ASCC3: variants seen among roughly 807,000 people sequenced by gnomAD.
The protein encoded by ASCC3 is ASC-1 complex subunit P200.
Under a neutral mutation model 256.3 loss-of-function variants are expected in ASCC3, and 158 were observed. That is an observed-to-expected ratio of 0.62 (90% CI 0.54 to 0.70). ASCC3 has a LOEUF of 0.70. Among genes scored for constraint, ASCC3 ranks in the 30% least tolerant of loss-of-function variants. The probability of loss-of-function intolerance (pLI) is 0.00; values close to 1 mark genes in which losing one functional copy is unlikely to be tolerated. For synonymous variants in ASCC3, 948 were observed against 883.4 expected (o/e 1.07, Z -1.30); for missense variants, 2,259 against 2,626.0 (o/e 0.86, Z 3.05).
At chr6:100,716,509 C>T (rs1779092821) in intron 12 of ASCC3, among the ~76,000 whole-genome samples, 1 of 151,808 alleles carries the variant, frequency 6.6e-6, no homozygotes, top group Admixed American at 6.6e-5. Context: ...TTAATGTAAA[C>T]ATTTTAAAAT....
At chr6:100,731,442 T>C (rs1295630947) in intron 10 of ASCC3, among the ~76,000 whole-genome samples, 1 of 152,230 alleles carries the variant, frequency 6.6e-6, no homozygotes, top group Non-Finnish European at 1.5e-5. Context: ...AAATACAAAA[T>C]TGTTTATATT....
intron 8 of ASCC3, among the ~76,000 whole-genome samples, chr6:100,797,491 A>AC (rs1769686855): frequency 6.7e-6 from 1 of 148,528 alleles, no homozygotes; most frequent in African/African-American, 2.5e-5. Context: ...AAAAAAAAAA[A>AC]ACTTAAAATT....
In ASCC3 at chr6:100,855,578, T is replaced by C. The variant is rs17061195; in HGVS notation, c.242-6871A>G. ...GGACATAAATATAACACCTCTGTCT[T>C]TGAAACATTCAAAACACAATATAAT... On this transcript the variant is annotated intron_variant, in intron 3 of 41. Coordinates refer to ENST00000369162, the MANE Select transcript of ASCC3 (RefSeq NM_006828.4). 0.012 allele frequency among the ~76,000 whole-genome samples: 1,885 copies of C among 152,338 alleles called. 95 individuals are homozygous for C. In the East Asian group the frequency reaches 0.14, roughly 12 times the overall value.
intron 36 of ASCC3, among the ~76,000 whole-genome samples, chr6:100,588,428 C>T (rs1041653707): frequency 6.6e-6 from 1 of 152,088 alleles, no homozygotes; most frequent in Non-Finnish European, 1.5e-5. Flanking sequence ...CCAGAGAAAT[C>T]CTACTTTTAT....
At chr6:100,650,753 A>T (rs748172033) in intron 19 of ASCC3, 39 bp from the exon 20 acceptor site, 13 of 1,497,596 alleles carry the variant, frequency 8.7e-6, no homozygotes, top group Middle Eastern at 2.2e-4. Flanking sequence ...TTTGGGGCTG[A>T]TTTATTTAAA....
intron 32 of ASCC3, 93 bp downstream of exon 32, chr6:100,606,647 T>G (rs930793291): frequency 7.2e-7 from 1 of 1,382,922 alleles, no homozygotes; most frequent in African/African-American, 1.4e-5. Flanking sequence ...TCTCAGAAGT[T>G]TAATTGGTGG....
intron 8 of ASCC3, among the ~76,000 whole-genome samples, chr6:100,774,675 T>C (rs1198408284): frequency 2.6e-5 from 4 of 152,064 alleles, no homozygotes; most frequent in Non-Finnish European, 5.9e-5. Context: ...CTAACTTTCT[T>C]ATTTTTAGTA....
At chr6:100,611,921 G>A (rs928999527) in intron 30 of ASCC3, among the ~76,000 whole-genome samples, 4 of 151,508 alleles carry the variant, frequency 2.6e-5, no homozygotes, top group African/African-American at 4.8e-5. Flanking sequence ...TACTTCCATA[G>A]TTCATTTTTG....
intron 20 of ASCC3, among the ~76,000 whole-genome samples, chr6:100,648,484 T>A (rs1439272730): frequency 6.6e-6 from 1 of 152,010 alleles, no homozygotes; most frequent in Non-Finnish European, 1.5e-5. Context: ...AAATGACAGA[T>A]GAGTTAAAGG....
At chr6:100,794,996 G>T (rs1769535750) in intron 8 of ASCC3, among the ~76,000 whole-genome samples, 1 of 151,944 alleles carries the variant, frequency 6.6e-6, no homozygotes, top group Non-Finnish European at 1.5e-5. Context: ...CTTTCCTTTG[G>T]GAAACTCCCC....
chr6:100,771,007 G>C (rs1781892461), intron 8 of ASCC3, among the ~76,000 whole-genome samples: 1 of 152,020 alleles, frequency 6.6e-6, no homozygotes, highest in African/African-American at 2.4e-5. Flanking sequence ...AACAATGTTA[G>C]AGAGCTAAAA....
intron 4 of ASCC3, among the ~76,000 whole-genome samples, chr6:100,827,543 T>C (rs533212053): frequency 5.3e-5 from 8 of 152,308 alleles, no homozygotes; most frequent in African/African-American, 1.9e-4. Context: ...CATATTCTAT[T>C]AGATGCATTC....
chr6:100,511,602 C>T (rs1035124326), intron 40 of ASCC3, among the ~76,000 whole-genome samples: 2 of 151,912 alleles, frequency 1.3e-5, no homozygotes, highest in Non-Finnish European at 2.9e-5. Context: ...TGTAGTGGCA[C>T]ATGCCTGTAA....
chr6:100,650,560 G>C lies in ASCC3; in HGVS notation c.3230C>G (p.Ser1077Ter). 6.2e-7 allele frequency: 1 copy of C among 1,612,562 alleles called. No homozygotes were observed. The highest frequency in any genetic ancestry group is 8.5e-7 in the Non-Finnish European group (1 of 1,178,964). ...RGEMDSFSLI[S>*]DSAYVAQNAA... Reference sequence around the variant, plus strand: ...TACCTGTGCAACATATGCAGAATCTGATATAAGGGAGAAACTGTCCATTTC... The same window carrying C: ...TACCTGTGCAACATATGCAGAATCTCATATAAGGGAGAAACTGTCCATTTC... Residue 1077 changes from serine (S) to a stop codon, truncating the protein, a stop_gained, in exon 20 of 42, where the codon TCA becomes TGA. Coordinates refer to ENST00000369162, the MANE Select transcript of ASCC3 (RefSeq NM_006828.4). LOFTEE classifies it high-confidence loss of function.
intron 10 of ASCC3, among the ~76,000 whole-genome samples, chr6:100,731,841 CT>C (rs1210409220): frequency 2.0e-5 from 3 of 152,118 alleles, no homozygotes; most frequent in Non-Finnish European, 4.4e-5. Flanking sequence ...GAGGATCAAT[CT>C]TTTACTAAAA....
rs537375615 is a variant in ASCC3, at chr6:100,508,970, C to A, written c.*416G>T. ...CCACCTTACAGATTTATAGTTTATG[C>A]GGCAGAGTTAGAAATCTGTGACAAG... On this transcript the variant is annotated 3_prime_UTR_variant, in exon 42 of 42. Coordinates refer to ENST00000369162, the MANE Select transcript of ASCC3 (RefSeq NM_006828.4). The A allele has an allele frequency of 1.8e-5, 4 of 217,478 alleles. No homozygotes were observed. The Admixed American group carries it at 2.1e-4, about 12-fold the overall frequency. The allele number at this position is 217,478 out of a possible 1,614,324, so 13.5% of individuals were successfully genotyped here. A position where few individuals can be genotyped will look rare whatever the true frequency, so the allele number is the denominator to read the frequency against.
At chr6:100,750,078 T>C (rs572733041) in intron 10 of ASCC3, among the ~76,000 whole-genome samples, 10 of 151,952 alleles carry the variant, frequency 6.6e-5, no homozygotes, top group African/African-American at 2.4e-4. Flanking sequence ...TGACAAAAAC[T>C]GCCTGGAAAA....
chr6:100,853,511 C>A (rs1453568818), intron 3 of ASCC3, among the ~76,000 whole-genome samples: 1 of 148,608 alleles, frequency 6.7e-6, no homozygotes, highest in Non-Finnish European at 1.5e-5. Flanking sequence ...GTCACCCAGA[C>A]TGGAGTGCAG....
intron 10 of ASCC3, among the ~76,000 whole-genome samples, chr6:100,756,412 G>GA (rs1781182278): frequency 6.6e-6 from 1 of 151,922 alleles, no homozygotes; most frequent in Non-Finnish European, 1.5e-5. Flanking sequence ...AGACTTATGA[G>GA]AAAAAATAAA....
Sources: gnomAD v4.1 joint callset for allele counts (sites outside exome capture counted in the v4.1 genomes callset) on GRCh38, gnomAD v4.1.1 for gene constraint, MANE v1.5 for transcripts, NCBI Gene and HGNC (gene_info 2026-07-23, HGNC 2026-07-21) for gene names.